PKD2L2: variants seen among roughly 807,000 people sequenced by gnomAD.
PKD2L2 encodes polycystin 2 like 2, transient receptor potential cation channel, also known as polycystin-2-like protein 2.
PKD2L2 carries 67 observed loss-of-function variants against 83.9 expected under a neutral mutation model. The observed-to-expected ratio is 0.80, with a 90% CI of 0.66 to 0.98. The LOEUF (loss-of-function observed/expected upper bound fraction) is 0.98. Among genes scored for constraint, PKD2L2 ranks in the 50% least tolerant of loss-of-function variants. The probability of loss-of-function intolerance (pLI) is 0.00; values close to 1 mark genes in which losing one functional copy is unlikely to be tolerated. For synonymous variants in PKD2L2, 223 were observed against 237.8 expected (o/e 0.94, Z 0.57); for missense variants, 632 against 717.2 (o/e 0.88, Z 1.36).
At position 137,899,504 on chromosome 5, in the gene PKD2L2, TATGTGTAACAG is replaced by T; in HGVS notation, c.525-8_527del. On this transcript the variant is annotated splice_acceptor_variant and splice_polypyrimidine_tract_variant and intron_variant, in intron 4 of 14. Coordinates refer to ENST00000508883, the MANE Select transcript of PKD2L2 (RefSeq NM_001300921.2). LOFTEE classifies it high-confidence loss of function. ...TTTGTCATTTCACCATTATTCTTTT[TATGTGTAACAG>T]ATGGAGATATTCTACTTCTAATACC... The T allele has an allele frequency of 6.8e-7, 1 of 1,461,128 alleles. No individual in the cohort carries two copies. The highest frequency in any genetic ancestry group is 1.7e-5 in the Admixed American group (1 of 57,694). The allele number at this position is 1,461,128 out of a possible 1,614,324, so 90.5% of individuals were successfully genotyped here.
At chr5:137,937,397 A>G (rs1408594398) in intron 14 of PKD2L2, among the ~76,000 whole-genome samples, 3 of 152,328 alleles carry the variant, frequency 2.0e-5, no homozygotes, top group Admixed American at 6.5e-5. Flanking sequence ...TTATGTTTGG[A>G]AAGTGTAAAT....
Position 137,935,851 on chromosome 5 carries a change from T to C in PKD2L2, c.1726T>C (p.Tyr576His), listed in dbSNP as rs749552287. The C allele has an allele frequency of 1.9e-6, 3 of 1,611,808 alleles. No homozygotes were observed. Among genetic ancestry groups the C allele is most frequent in the South Asian group, 1.1e-5 (1 of 91,010 alleles). Residue 576 changes from tyrosine to histidine, a missense_variant, in exon 13 of 15, where the codon TAT becomes CAT. Physicochemically the swap from Tyr to His is moderately conservative, Grantham distance 83 (BLOSUM62 2). This residue lies in a region of PKD2L2 where 399 missense variants were observed against 416.9 expected (regional missense o/e 0.96). Coordinates refer to ENST00000508883, the MANE Select transcript of PKD2L2 (RefSeq NM_001300921.2). ...KKWKERLEKK[Y>H]YSMEIQDDYQ... Reference sequence around the variant, plus strand: ...ATGGAAAGAGAGGCTTGAGAAAAAGTATTATTCTATGGAAATTCAAGATGA... The same window carrying C: ...ATGGAAAGAGAGGCTTGAGAAAAAGCATTATTCTATGGAAATTCAAGATGA...
intron 5 of PKD2L2, among the ~76,000 whole-genome samples, chr5:137,903,030 G>A (rs1324574324): frequency 1.3e-5 from 2 of 152,232 alleles, no homozygotes; most frequent in Non-Finnish European, 2.9e-5. Flanking sequence ...TCCAAGTGTA[G>A]TGGCTTACAA....
chr5:137,916,423 C>T (rs1387201723), intron 8 of PKD2L2, among the ~76,000 whole-genome samples: 1 of 149,674 alleles, frequency 6.7e-6, no homozygotes, highest in African/African-American at 2.5e-5. Context: ...CTCTCCCTCA[C>T]TTTTGAAGGA....
chr5:137,925,957 C>T (rs756353089), intron 12 of PKD2L2, 28 bp downstream of exon 12: 80 of 1,311,168 alleles, frequency 6.1e-5, no homozygotes, highest in Non-Finnish European at 8.1e-5. Context: ...TTCATAAACA[C>T]TAGTGGTAGC....
intron 4 of PKD2L2, among the ~76,000 whole-genome samples, chr5:137,895,002 CCT>C (rs1472328274): frequency 6.6e-5 from 10 of 152,140 alleles, no homozygotes; most frequent in Admixed American, 6.6e-4. Flanking sequence ...TCACTTTCCT[CCT>C]CTCTCATTCT....
At chr5:137,928,468 T>C (rs554970822) in intron 12 of PKD2L2, among the ~76,000 whole-genome samples, 1 of 152,292 alleles carries the variant, frequency 6.6e-6, no homozygotes, top group East Asian at 1.9e-4. Context: ...GTTAGCTCTG[T>C]TGCCCAGCAT....
At chr5:137,893,681 T>C (rs989230243) in intron 3 of PKD2L2, among the ~76,000 whole-genome samples, 22 of 152,312 alleles carry the variant, frequency 1.4e-4, no homozygotes, top group Admixed American at 3.9e-4. Flanking sequence ...ACAGAGTTCA[T>C]ATCATGAATG....
intron 5 of PKD2L2, among the ~76,000 whole-genome samples, chr5:137,903,348 GC>G (rs561775167): frequency 5.3e-5 from 8 of 152,274 alleles, no homozygotes; most frequent in African/African-American, 1.7e-4. Flanking sequence ...AGCATCAAGG[GC>G]TGGGGCAGTA....
rs755546067 is a variant in PKD2L2 at position 137,935,921 on chromosome 5, T to G, written c.1784+12T>G. 1.6e-5 allele frequency: 22 copies of G among 1,345,482 alleles called. No homozygotes were observed. Among genetic ancestry groups the G allele is most frequent in the East Asian group, 2.3e-5 (1 of 43,720 alleles). The allele number at this position is 1,345,482 out of a possible 1,614,324, so 83.3% of individuals were successfully genotyped here. ...GAAGAATTTCGAGAGTAAGCTTATG[T>G]TCTAACCAGACTATTATGGGATATC... On this transcript the variant is annotated intron_variant, in intron 13 of 14. Transcript: ENST00000508883.
chr5:137,910,914 T>G (rs1361340776), intron 8 of PKD2L2, among the ~76,000 whole-genome samples: 1 of 152,168 alleles, frequency 6.6e-6, no homozygotes, highest in Non-Finnish European at 1.5e-5. Context: ...CCAAAGCTAT[T>G]TGCCCTGAAG....
chr5:137,930,336 G>C (rs1363627588), intron 12 of PKD2L2, among the ~76,000 whole-genome samples: 10 of 152,016 alleles, frequency 6.6e-5, no homozygotes. Flanking sequence ...AAAATTCTTT[G>C]ACTAAAAAAT....
chr5:137,922,227 C>A (rs977767044), intron 9 of PKD2L2, among the ~76,000 whole-genome samples: 3 of 152,242 alleles, frequency 2.0e-5, no homozygotes, highest in Admixed American at 2.0e-4. Context: ...AGGCACTGTA[C>A]TGTCCTCCAT....
chr5:137,912,850 G>A (rs531198217), intron 8 of PKD2L2, among the ~76,000 whole-genome samples: 3 of 140,522 alleles, frequency 2.1e-5, no homozygotes, highest in Admixed American at 7.5e-5. Context: ...TGTTGCCCAG[G>A]CTGGAGCGCA....
Position 137,936,405 on chromosome 5 carries a change from CTA to C in PKD2L2, c.1873_1874del (p.Ter625ValfsTer54). On this transcript the variant is annotated frameshift_variant, in exon 14 of 15. Transcript: ENST00000508883. LOFTEE classifies it high-confidence loss of function. ...TCAAGTGGTGAGAAAGGTTTCAGCT[CTA>C]TAGTATTGAGACAAGTGGAGGTAAG... Reference protein sequence around the residue: ...LNQVVRKVSAL With the variant: ...LNQVVRKVSAX 6.5e-7 allele frequency: 1 copy of C among 1,534,174 alleles called. No homozygotes were observed. Among genetic ancestry groups the C allele is most frequent in the Non-Finnish European group, 8.7e-7 (1 of 1,145,350 alleles).
intron 14 of PKD2L2, chr5:137,940,540 C>G (rs1761378658): frequency 1.9e-6 from 1 of 538,190 alleles, no homozygotes; most frequent in East Asian, 3.1e-5. Context: ...TTTTGATGGA[C>G]TTCTCTACTG....
chr5:137,935,681 TCTGAGGG>T, intron 12 of PKD2L2, 109 bp from the exon 13 acceptor site: 1 of 624,360 alleles, frequency 1.6e-6, no homozygotes, highest in South Asian at 2.2e-5. Flanking sequence ...GGGCTCAAAA[TCTGAGGG>T]CTGGAGAGGA....
At position 137,936,313 on chromosome 5, in the gene PKD2L2, T is replaced by A. The variant is rs1760385132; in HGVS notation, c.1785-7T>A. On this transcript the variant is annotated splice_region_variant and splice_polypyrimidine_tract_variant and intron_variant, in intron 13 of 14. Transcript: ENST00000508883. ...ACTCATTCTCTACTTCCTTCGAAAT[T>A]TTCTAGACTTTTTTTATATGCTGTG... 6.5e-7 allele frequency: 1 copy of A among 1,528,690 alleles called. No homozygotes were observed. The highest frequency in any genetic ancestry group is 2.4e-5 in the East Asian group (1 of 40,870). The allele number at this position is 1,528,690 out of a possible 1,614,324, so 94.7% of individuals were successfully genotyped here. A position where few individuals can be genotyped will look rare whatever the true frequency, so the allele number is the denominator to read the frequency against.
intron 8 of PKD2L2, among the ~76,000 whole-genome samples, chr5:137,911,095 C>T (rs1043071730): frequency 6.6e-6 from 1 of 152,132 alleles, no homozygotes; most frequent in East Asian, 1.9e-4. Context: ...AAAATAAAAA[C>T]TCTATACCAA....
Sources: allele counts gnomAD v4.1 joint callset (sites outside exome capture counted in the v4.1 genomes callset), GRCh38; gene constraint gnomAD v4.1.1; regional missense constraint gnomAD v4.1.1; transcripts MANE v1.5; gene names NCBI Gene and HGNC (gene_info 2026-07-23, HGNC 2026-07-21).